NOTCH2: variants seen among roughly 807,000 people sequenced by gnomAD.
The protein encoded by NOTCH2 is notch receptor 2.
Under a neutral mutation model 235.8 loss-of-function variants are expected in NOTCH2, and 29 were observed. The observed-to-expected ratio is 0.12, with a 90% confidence interval of 0.09 to 0.17. The LOEUF is 0.17. NOTCH2 is among the 10% of genes least tolerant of loss of function. The pLI is 1.00. For missense variants in NOTCH2, 2,285 were observed against 3,150.2 expected (o/e 0.73, Z 6.57); for synonymous variants, 1,086 against 1,141.5 (o/e 0.95, Z 0.98).
At chr1:119,937,102 C>A (rs1024430878) in intron 21 of NOTCH2, among the ~76,000 whole-genome samples, 180 bp downstream of exon 21, 1 of 152,072 alleles carries the variant, frequency 6.6e-6, no homozygotes, top group Non-Finnish European at 1.5e-5. Flanking sequence ...ATACTAGGGA[C>A]CTGTTAACTT....
At chr1:119,959,606 A>G in intron 11 of NOTCH2, 104 bp from the exon 12 acceptor site, 1 of 739,102 alleles carries the variant, frequency 1.4e-6, no homozygotes, top group Non-Finnish European at 2.4e-6. Context: ...GGTGAATTCC[A>G]GCCAACCCTG....
In NOTCH2 at chr1:119,919,465, A is replaced by G. The variant is rs1286512127; in HGVS notation, c.5628T>C (p.Thr1876=). The G allele has an allele frequency of 1.2e-6, 2 of 1,613,716 alleles. No homozygotes were observed. Among genetic ancestry groups the G allele is most frequent in the African/African-American group, 2.7e-5 (2 of 74,930 alleles). The change falls in exon 31 of 34, where the codon ACT becomes ACC. Residue 1876 remains threonine (T), a synonymous_variant. Coordinates refer to ENST00000256646, the MANE Select transcript of NOTCH2 (RefSeq NM_024408.4). ...GASLQAQTDR[T]GEMALHLAAR... The stretch of plus-strand genomic sequence containing the variant: ...CTGCAAGGTGCAGGGCCATCTCACC[A>G]GTCCGGTCTGTCTGGGCCTGGAGGC...
intron 22 of NOTCH2, among the ~76,000 whole-genome samples, chr1:119,931,766 T>C (rs1649668363): frequency 6.6e-6 from 1 of 151,868 alleles, no homozygotes; most frequent in Non-Finnish European, 1.5e-5. Context: ...CTTTACGATC[T>C]TCAAGTGTAT....
At chr1:120,006,108 C>A (rs1353132) in intron 2 of NOTCH2, among the ~76,000 whole-genome samples, 16 of 152,184 alleles carry the variant, frequency 1.1e-4, no homozygotes, top group Non-Finnish European at 2.4e-4. Context: ...AAATAGTAAG[C>A]GCTTCTTTCT....
chr1:119,974,097 G>C lies in NOTCH2; in HGVS notation c.875-4353C>G, dbSNP rs587603985. Among the ~76,000 whole-genome samples, 92 of 152,036 alleles carry C rather than the reference G, an allele frequency of 6.1e-4. 1 individual carries two copies. The highest frequency in any genetic ancestry group is 6.8e-3 in the Middle Eastern group (2 of 294). On this transcript the variant is annotated intron_variant, in intron 5 of 33. Coordinates refer to ENST00000256646, the MANE Select transcript of NOTCH2 (RefSeq NM_024408.4). ...AAGCAGGAGAGAGCACTAAGTTATAGGCTACCTAGCAAATAAAAGCCTTTG... is the reference window on the plus strand; with the variant it reads ...AAGCAGGAGAGAGCACTAAGTTATACGCTACCTAGCAAATAAAAGCCTTTG...
At chr1:119,941,969 G>A (rs1650080301) in intron 17 of NOTCH2, among the ~76,000 whole-genome samples, 1 of 152,134 alleles carries the variant, frequency 6.6e-6, no homozygotes, top group East Asian at 1.9e-4. Context: ...CTTCATCTAT[G>A]TCACCACCAA....
chr1:119,918,667 G>C, intron 31 of NOTCH2, 114 bp from the exon 32 acceptor site: 1 of 1,029,638 alleles, frequency 9.7e-7, no homozygotes, highest in Admixed American at 1.9e-5. Context: ...TCCTGGAGGA[G>C]AGGGAAAGTC....
At chr1:119,996,910 T>G (rs1652478321) in intron 4 of NOTCH2, 87 bp downstream of exon 4, 4 of 1,519,914 alleles carry the variant, frequency 2.6e-6, no homozygotes, top group Non-Finnish European at 3.6e-6. Context: ...TTCCTTGGGC[T>G]TCCTAAAAAC....
At position 119,924,002 on chromosome 1, in the gene NOTCH2, G is replaced by C; in HGVS notation, c.4512-18C>G. ...TGTCATACCTAGGTAAGGGGAAGCAGAGAACAGGCAAAAGAGCTCAGATTA... is the reference window on the plus strand; with the variant it reads ...TGTCATACCTAGGTAAGGGGAAGCACAGAACAGGCAAAAGAGCTCAGATTA... On this transcript the variant is annotated intron_variant, in intron 25 of 33. Transcript: ENST00000256646. The C allele has an allele frequency of 6.3e-7, 1 of 1,595,440 alleles. No homozygotes were observed. The highest frequency in any genetic ancestry group is 8.6e-7 in the Non-Finnish European group (1 of 1,163,480).
intron 22 of NOTCH2, among the ~76,000 whole-genome samples, chr1:119,933,104 G>A (rs1553195365): frequency 1.3e-5 from 2 of 151,946 alleles, no homozygotes; most frequent in Admixed American, 6.5e-5. Context: ...CTAGTAAAAT[G>A]AGCATAAATG....
chr1:119,974,988 A>C (rs1553200745), intron 5 of NOTCH2, among the ~76,000 whole-genome samples: 1 of 152,196 alleles, frequency 6.6e-6, no homozygotes, highest in African/African-American at 2.4e-5. Flanking sequence ...ATCTAATCTA[A>C]CATGCTCATT....
At chr1:119,949,764 G>C (rs908082647) in intron 15 of NOTCH2, among the ~76,000 whole-genome samples, 20 of 152,056 alleles carry the variant, frequency 1.3e-4, no homozygotes, top group Non-Finnish European at 2.6e-4. Context: ...TGGCTATTCT[G>C]CTACTCTACA....
chr1:119,964,995 C>A (rs771068514), intron 10 of NOTCH2, among the ~76,000 whole-genome samples: 1 of 152,244 alleles, frequency 6.6e-6, no homozygotes, highest in Non-Finnish European at 1.5e-5. Context: ...ACACTTGACT[C>A]TCAATCCTAT....
chr1:119,915,751 G>A lies in NOTCH2; in HGVS notation c.6971C>T (p.Pro2324Leu). The A allele has an allele frequency of 6.2e-7, 1 of 1,608,080 alleles. No individual in the cohort carries two copies. The highest frequency in any genetic ancestry group is 8.5e-7 in the Non-Finnish European group (1 of 1,175,864). Residue 2324 changes from proline (P) to leucine (L), a missense_variant, in exon 34 of 34, where the codon CCT becomes CTT. Pro to Leu is a moderately conservative substitution (Grantham distance 98). Transcript: ENST00000256646. ...AACAGCTGGAGGGCAGGTGGACTGA[G>A]GCTGGGGAGCCCCCGCTGGTTGGGC... ...SIAQPAGAPQ[P>L]QSTCPPAVAG...
chr1:120,009,173 G>C (rs1653091460), intron 2 of NOTCH2, among the ~76,000 whole-genome samples: 1 of 152,062 alleles, frequency 6.6e-6, no homozygotes, highest in Non-Finnish European at 1.5e-5. Context: ...AGAATATCTG[G>C]AGCAGCAGAA....
chr1:119,953,419 T>A (rs1553198016), intron 14 of NOTCH2, 124 bp downstream of exon 14: 2 of 1,042,272 alleles, frequency 1.9e-6, no homozygotes, highest in Admixed American at 3.5e-5. Flanking sequence ...ACAAGTCTAA[T>A]TGCTCAATAT....
intron 30 of NOTCH2, 119 bp downstream of exon 30, chr1:119,920,110 A>G: frequency 9.1e-7 from 1 of 1,104,246 alleles, no homozygotes; most frequent in Non-Finnish European, 1.3e-6. Context: ...CCTCGAGCTG[A>G]TTTAGAGTCT....
chr1:119,935,183 A>G (rs1001637922), intron 22 of NOTCH2: 33 of 1,265,388 alleles, frequency 2.6e-5, no homozygotes, highest in Non-Finnish European at 3.1e-5. Context: ...CTTACTGACC[A>G]GGCTAATTTT....
chr1:119,953,788 T>TTTACCC, intron 13 of NOTCH2, 100 bp from the exon 14 acceptor site: 3 of 1,013,766 alleles, frequency 3.0e-6, no homozygotes, highest in Non-Finnish European at 4.7e-6. Context: ...TAAACTGATC[T>TTTACCC]CATTTCTACT....
Sources: gnomAD v4.1 joint callset for allele counts (sites outside exome capture counted in the v4.1 genomes callset) on GRCh38, gnomAD v4.1.1 for gene constraint, MANE v1.5 for transcripts, NCBI Gene and HGNC (gene_info 2026-07-23, HGNC 2026-07-21) for gene names.